REV3L: variants seen among roughly 807,000 people sequenced by gnomAD.
REV3L encodes REV3 like, DNA directed polymerase zeta catalytic subunit.
In REV3L, 69 loss-of-function variants were observed where a neutral mutation model predicts 299.4. The ratio of observed to expected loss-of-function variants is 0.23; its 90% CI spans 0.19 to 0.28. The LOEUF (loss-of-function observed/expected upper bound fraction) is 0.28, where lower values mean the gene tolerates loss of function less well. REV3L is among the 10% of genes least tolerant of loss of function. The probability of loss-of-function intolerance (pLI) is 1.00; values close to 1 mark genes in which losing one functional copy is unlikely to be tolerated. For missense variants in REV3L, 3,128 were observed against 3,693.8 expected, an observed-to-expected ratio of 0.85 and a Z score of 3.97; for synonymous variants, 1,238 against 1,271.4, an observed-to-expected ratio of 0.97 and a Z score of 0.56.
At chr6:111,387,955 A>T in intron 8 of REV3L, 42 bp from the exon 9 acceptor site, 1 of 1,608,468 alleles carries the variant, frequency 6.2e-7, no homozygotes, top group African/African-American at 1.3e-5. Context: ...ACTACATAAC[A>T]AAGGAATAAA....
intron 3 of REV3L, among the ~76,000 whole-genome samples, chr6:111,409,247 T>G (rs1324024822): frequency 1.3e-5 from 2 of 152,166 alleles, no homozygotes; most frequent in Admixed American, 6.5e-5. Flanking sequence ...TTAATAGCCT[T>G]TCATGTTACT....
In REV3L at chr6:111,365,350, G is replaced by A; in HGVS notation, c.6674-6C>T. The A allele has an allele frequency of 1.3e-6, 2 of 1,511,722 alleles. No homozygotes were observed. Among genetic ancestry groups the A allele is most frequent in the South Asian group, 1.3e-5 (1 of 79,002 alleles). The allele number at this position is 1,511,722 out of a possible 1,614,324, so 93.6% of individuals were successfully genotyped here. A position where few individuals can be genotyped will look rare whatever the true frequency, so the allele number is the denominator to read the frequency against. On this transcript the variant is annotated splice_region_variant and splice_polypyrimidine_tract_variant and intron_variant, in intron 14 of 31. Transcript: ENST00000368802. Reference sequence around the variant, plus strand: ...CAACTTCTGTGTTTTTGGTTCTGTAGAAAGAAATTTAATATTTAACATGTA... The same window carrying A: ...CAACTTCTGTGTTTTTGGTTCTGTAAAAAGAAATTTAATATTTAACATGTA...
intron 9 of REV3L, among the ~76,000 whole-genome samples, chr6:111,383,337 T>A (rs1013992094): frequency 6.6e-6 from 1 of 152,196 alleles, no homozygotes; most frequent in Non-Finnish European, 1.5e-5. Context: ...AGAAGTCGAA[T>A]TATCCTTATC....
At chr6:111,464,977 G>A (rs941996135) in intron 1 of REV3L, among the ~76,000 whole-genome samples, 1 of 151,964 alleles carries the variant, frequency 6.6e-6, no homozygotes, top group Non-Finnish European at 1.5e-5. Flanking sequence ...ACTCCAGCCT[G>A]GGTGACAGAG....
chr6:111,421,849 A>G (rs1359798761), intron 1 of REV3L, among the ~76,000 whole-genome samples: 1 of 152,186 alleles, frequency 6.6e-6, no homozygotes, highest in Non-Finnish European at 1.5e-5. Context: ...TCTTCCTGGA[A>G]CATCTCAAGT....
intron 2 of REV3L, among the ~76,000 whole-genome samples, chr6:111,413,618 G>GA (rs1784474705): frequency 6.6e-6 from 1 of 151,910 alleles, no homozygotes; most frequent in African/African-American, 2.4e-5. Flanking sequence ...ACTTAAGTAG[G>GA]AAAAATTGAA....
At chr6:111,399,531 T>C (rs1055662690) in intron 4 of REV3L, among the ~76,000 whole-genome samples, 7 of 152,318 alleles carry the variant, frequency 4.6e-5, no homozygotes, top group Non-Finnish European at 1.0e-4. Flanking sequence ...CTGCATTCAG[T>C]TGCCATGTCT....
intron 31 of REV3L, among the ~76,000 whole-genome samples, chr6:111,304,581 A>G (rs1772051105): frequency 1.3e-5 from 2 of 151,468 alleles, no homozygotes; most frequent in South Asian, 4.2e-4. Flanking sequence ...AAGATGACAA[A>G]CCATCATTAT....
intron 1 of REV3L, chr6:111,431,085 C>G (rs192652659): frequency 4.1e-5 from 61 of 1,497,534 alleles, no homozygotes; most frequent in Non-Finnish European, 5.1e-5. Flanking sequence ...ATGCAAATAT[C>G]AACAAGAATG....
chr6:111,307,162 A>C (rs528777829), intron 31 of REV3L, among the ~76,000 whole-genome samples, 199 bp downstream of exon 31: 9 of 152,244 alleles, frequency 5.9e-5, no homozygotes, highest in Non-Finnish European at 1.3e-4. Context: ...ATTCCATAAA[A>C]AAAACAAAAA....
At chr6:111,341,039 C>CTTTTT (rs5879104) in intron 21 of REV3L, among the ~76,000 whole-genome samples, 3,166 of 131,786 alleles carry the variant, frequency 0.024, 155 homozygotes, top group Middle Eastern at 0.04. Flanking sequence ...TTCTCCTCAG[C>CTTTTT]TTTTTTTTTT....
Position 111,373,445 on chromosome 6 carries a change from T to C in REV3L, c.4910A>G (p.Asp1637Gly), listed in dbSNP as rs61756662. ...ATAATTATGTTCAGGAGATAAACTA[T>C]CTTCAAGTGAGTAACAACTTTCAAA... Reference protein sequence around the residue: ...PGFESCYSLEDSLSPEHNYNF... With the variant: ...PGFESCYSLEGSLSPEHNYNF... Residue 1637 changes from aspartate (D) to glycine (G), a missense_variant, in exon 13 of 32, where the codon GAT becomes GGT. Around this residue, in one of 9 missense-constraint regions of REV3L, gnomAD observed 2,409 missense variants for 2,611.8 expected, o/e 0.92. Transcript: ENST00000368802. 1.9e-6 allele frequency: 3 copies of C among 1,613,566 alleles called. No homozygotes were observed. Among genetic ancestry groups the C allele is most frequent in the African/African-American group, 1.3e-5 (1 of 74,906 alleles).
chr6:111,304,444 G>T (rs917694828), intron 31 of REV3L, among the ~76,000 whole-genome samples: 6 of 150,238 alleles, frequency 4.0e-5, no homozygotes, highest in Non-Finnish European at 8.9e-5. Context: ...CTCCTGTTTG[G>T]ATGTGTTTCT....
At chr6:111,454,173 C>G (rs767291914) in intron 1 of REV3L, among the ~76,000 whole-genome samples, 1 of 151,406 alleles carries the variant, frequency 6.6e-6, no homozygotes, top group African/African-American at 2.4e-5. Context: ...AAACACCCAG[C>G]CTGGAGCAAT....
In REV3L at chr6:111,374,068, A is replaced by T. The variant is rs753608775; in HGVS notation, c.4287T>A (p.Ile1429=). 6.2e-7 allele frequency: 1 copy of T among 1,614,124 alleles called. No individual in the cohort carries two copies. Among genetic ancestry groups the T allele is most frequent in the South Asian group, 1.1e-5 (1 of 91,078 alleles). Residue 1429 remains isoleucine, a synonymous_variant, in exon 13 of 32, where the codon ATT becomes ATA. Transcript: ENST00000368802. ...GCTTTGACTGTTCCGCTATGCACAC[A>T]ATCTGCTGCTGACTGTCTTTGCAAT... The part of the protein sequence containing the change: ...FLHCKDSQQQ[I]VCIAEQSKHS...
intron 1 of REV3L, among the ~76,000 whole-genome samples, chr6:111,427,165 T>A (rs1208076532): frequency 1.3e-5 from 2 of 152,176 alleles, no homozygotes; most frequent in Non-Finnish European, 2.9e-5. Context: ...AAATGCTCCT[T>A]CAAATGCAAA....
intron 4 of REV3L, among the ~76,000 whole-genome samples, chr6:111,395,776 A>G (rs1258376943): frequency 2.6e-5 from 4 of 152,136 alleles, no homozygotes; most frequent in African/African-American, 9.7e-5. Flanking sequence ...TAGTTCTTAG[A>G]GGGCAGGTTT....
chr6:111,435,840 A>C (rs1477054756), intron 1 of REV3L, among the ~76,000 whole-genome samples: 3 of 152,236 alleles, frequency 2.0e-5, no homozygotes, highest in African/African-American at 7.2e-5. Context: ...TCTGTTGAGC[A>C]AAGGAAACAA....
At chr6:111,412,101 G>A (rs748544473) in intron 2 of REV3L, 214 of 985,104 alleles carry the variant, frequency 2.2e-4, no homozygotes, top group Admixed American at 3.1e-4. Context: ...TCAATAAGCA[G>A]AGACAATGTA....
Sources: allele counts gnomAD v4.1 joint callset (sites outside exome capture counted in the v4.1 genomes callset), GRCh38; gene constraint gnomAD v4.1.1; regional missense constraint gnomAD v4.1.1; transcripts MANE v1.5; gene names NCBI Gene and HGNC (gene_info 2026-07-23, HGNC 2026-07-21).